Variants in ACLY observed in about 807,000 individuals in gnomAD.
The protein encoded by ACLY is ATP citrate lyase.
In ACLY, 41 loss-of-function variants were observed where a neutral mutation model predicts 133.0. The observed-to-expected ratio is 0.31, with a 90% CI of 0.24 to 0.40. The LOEUF is 0.40. ACLY is among the 10% of genes least tolerant of loss of function. ACLY has a pLI of 1.00. For synonymous variants in ACLY, 495 were observed against 549.3 expected, an observed-to-expected ratio of 0.90 and a Z score of 1.38; for missense variants, 1,046 against 1,453.8, an observed-to-expected ratio of 0.72 and a Z score of 4.56.
intron 9 of ACLY, 27 bp from the exon 10 acceptor site, chr17:41,904,817 A>G: frequency 1.2e-6 from 2 of 1,602,126 alleles, no homozygotes; most frequent in Non-Finnish European, 1.7e-6. Context: ...AGAGAATCAA[A>G]AACAGTTACA....
Position 41,893,179 on chromosome 17 carries a change from T to C in ACLY, c.1460-5A>G. On this transcript the variant is annotated splice_region_variant and splice_polypyrimidine_tract_variant and intron_variant, in intron 14 of 28. Transcript: ENST00000352035. ...TGAAGAGGGTGGTGCTCTTTCCTGG[T>C]GGGCAAAGACACAGAGAGTGCACCC... 6 of 1,611,452 alleles carry C rather than the reference T, an allele frequency of 3.7e-6. No individual in the cohort carries two copies. The highest frequency in any genetic ancestry group is 5.1e-6 in the Non-Finnish European group (6 of 1,178,452).
In ACLY at chr17:41,867,219, C is replaced by T. The variant is rs1294971127; in HGVS notation, c.*591G>A. On this transcript the variant is annotated 3_prime_UTR_variant, in exon 29 of 29. Coordinates refer to ENST00000352035, the MANE Select transcript of ACLY (RefSeq NM_001096.3). ...GCTAAGGATGCAATGGCCCCATCCC[C>T]CTGACATAAACAGACTCTGGTCTGC... 2.0e-5 allele frequency: 3 copies of T among 152,634 alleles called. No homozygotes were observed. Among genetic ancestry groups the T allele is most frequent in the African/African-American group, 7.2e-5 (3 of 41,442 alleles). 9.5% of individuals were successfully genotyped at this position (152,634 alleles called of 1,614,324 possible). A position where few individuals can be genotyped will look rare whatever the true frequency, so the allele number is the denominator to read the frequency against.
At chr17:41,897,929 A>G in intron 12 of ACLY, 90 bp from the exon 13 acceptor site, 1 of 1,149,392 alleles carries the variant, frequency 8.7e-7, no homozygotes. Context: ...GAAAACTCGT[A>G]ATAAAAATTA....
At chr17:41,883,747 G>A (rs2048980808) in intron 19 of ACLY, among the ~76,000 whole-genome samples, 1 of 151,718 alleles carries the variant, frequency 6.6e-6, no homozygotes, top group South Asian at 2.1e-4. Context: ...ACCATGCCTG[G>A]CTAATTTTTA....
chr17:41,876,177 G>A (rs2048746590), intron 22 of ACLY, among the ~76,000 whole-genome samples: 2 of 151,698 alleles, frequency 1.3e-5, no homozygotes, highest in South Asian at 4.2e-4. Context: ...CCTCCGCCCG[G>A]CAGCCACCCC....
In ACLY at chr17:41,918,951, C is replaced by G; in HGVS notation, c.-95G>C. 1 of 1,289,184 alleles carries G rather than the reference C, an allele frequency of 7.8e-7. No individual in the cohort carries two copies. Among genetic ancestry groups the G allele is most frequent in the Non-Finnish European group, 1.0e-6 (1 of 988,628 alleles). 79.9% of individuals were successfully genotyped at this position (1,289,184 alleles called of 1,614,324 possible). On this transcript the variant is annotated 5_prime_UTR_variant, in exon 1 of 29. Transcript: ENST00000352035. ...CCCCGCAAAATCCGGAGCACCCCAG[C>G]AGCCGGTAGCTTCCCGGGATCCGGC...
In ACLY at chr17:41,901,783, C is replaced by A; in HGVS notation, c.1096G>T (p.Gly366Cys). The A allele has an allele frequency of 6.3e-7, 1 of 1,594,202 alleles. No homozygotes were observed. The highest frequency in any genetic ancestry group is 8.6e-7 in the Non-Finnish European group (1 of 1,168,286). ...GIVRAIRDYQ[G>C]PLKEHEVTIF... ...GTGACTTCGTGCTCCTTCAGGGGGC[C>A]CTGGTAATCTCGAATTGCTCTCACG... Residue 366 changes from glycine to cysteine, a missense_variant, in exon 11 of 29, where the codon GGC becomes TGC. Coordinates refer to ENST00000352035, the MANE Select transcript of ACLY (RefSeq NM_001096.3).
At chr17:41,888,687 G>A (rs1194282060) in intron 16 of ACLY, among the ~76,000 whole-genome samples, 2 of 152,018 alleles carry the variant, frequency 1.3e-5, no homozygotes, top group Non-Finnish European at 2.9e-5. Context: ...AGAGTTCAAG[G>A]CCAGCCTGGG....
At position 41,924,299 on chromosome 17, in the gene ACLY, C is replaced by T. The variant is rs554263783; in HGVS notation, c.-28+6059G>A. ...AGCTGAGACTACAGGCACGTGCCACCACACCCGGCTGATTTTTTTTTTTAT... is the reference window on the plus strand; with the variant it reads ...AGCTGAGACTACAGGCACGTGCCACTACACCCGGCTGATTTTTTTTTTTAT... On this transcript the variant is annotated intron_variant, in intron 1 of 3. Coordinates refer to the ACLY transcript ENST00000592970. Among the ~76,000 whole-genome samples the T allele has an allele frequency of 2.6e-5, 4 of 151,922 alleles. No individual in the cohort carries two copies. The East Asian group carries it at 7.7e-4, about 29-fold the overall frequency.
rs1051055363 is a variant in ACLY at position 41,873,682 on chromosome 17, A to G, written c.2642+129T>C. On this transcript the variant is annotated intron_variant, in intron 23 of 28. Coordinates refer to ENST00000352035, the MANE Select transcript of ACLY (RefSeq NM_001096.3). ...TATGTGTCCTTCCTCTGGCCGCTCA[A>G]TTGACCTGTGGCCCCAAAGATTGAT... 36 of 1,146,902 alleles carry G rather than the reference A, an allele frequency of 3.1e-5. No individual in the cohort carries two copies. The African/African-American group carries it at 4.3e-4, about 14-fold the overall frequency. 71.0% of individuals were successfully genotyped at this position (1,146,902 alleles called of 1,614,324 possible).
intron 12 of ACLY, 88 bp from the exon 13 acceptor site, chr17:41,897,927 GTAA>G (rs1218424892): frequency 8.3e-7 from 1 of 1,200,646 alleles, no homozygotes; most frequent in African/African-American, 1.5e-5. Flanking sequence ...AAGAAAACTC[GTAA>G]TAAAAATTAT....
At position 41,878,133 on chromosome 17, in the gene ACLY, TG is replaced by T; in HGVS notation, c.2456del (p.Pro819GlnfsTer15). 2 of 1,590,126 alleles carry T rather than the reference TG, an allele frequency of 1.3e-6. No individual in the cohort carries two copies. The highest frequency in any genetic ancestry group is 1.7e-6 in the Non-Finnish European group (2 of 1,168,266). ...VIVPAQEVPP[P>X]TVPMDYSWAR... ...CCCAGGAGTAGTCCATGGGCACGGTTGGGGGCGGCACCTCCTGGGCAGGTAC... is the reference window on the plus strand; with the variant it reads ...CCCAGGAGTAGTCCATGGGCACGGTTGGGGCGGCACCTCCTGGGCAGGTAC... On this transcript the variant is annotated frameshift_variant, in exon 22 of 29. Transcript: ENST00000352035. LOFTEE classifies it high-confidence loss of function.
intron 3 of ACLY, 122 bp from the exon 4 acceptor site, chr17:41,910,406 A>G: frequency 1.3e-6 from 1 of 796,596 alleles, no homozygotes; most frequent in East Asian, 2.7e-5. Flanking sequence ...GCAAAGAGAG[A>G]TTTTTCCAGA....
At chr17:41,879,069 AT>A in intron 20 of ACLY, 145 bp from the exon 21 acceptor site, 1 of 1,028,872 alleles carries the variant, frequency 9.7e-7, no homozygotes, top group Non-Finnish European at 1.4e-6. Context: ...GATGATTTCC[AT>A]TTTACAGACA....
chr17:41,901,848 G>A (rs782427545), intron 10 of ACLY, 35 bp from the exon 11 acceptor site: 14 of 1,471,200 alleles, frequency 9.5e-6, no homozygotes, highest in Non-Finnish European at 1.3e-5. Flanking sequence ...CTAAAAACAA[G>A]GCAGCCACAA....
At chr17:41,917,559 A>C (rs1451953343) in intron 1 of ACLY, among the ~76,000 whole-genome samples, 1 of 152,168 alleles carries the variant, frequency 6.6e-6, no homozygotes, top group Admixed American at 6.5e-5. Flanking sequence ...AGGGGAAGGG[A>C]ATCACTGGGG....
At chr17:41,876,740 T>C (rs2048769575) in intron 22 of ACLY, among the ~76,000 whole-genome samples, 2 of 152,150 alleles carry the variant, frequency 1.3e-5, no homozygotes, top group East Asian at 3.9e-4. Flanking sequence ...TCATCACCAC[T>C]CCCTAATCTC....
chr17:41,912,325 T>C, intron 3 of ACLY, 95 bp downstream of exon 3: 2 of 1,499,334 alleles, frequency 1.3e-6, no homozygotes, highest in Non-Finnish European at 1.8e-6. Context: ...ACAATGAGAC[T>C]GGCTGTGGGG....
At position 41,909,011 on chromosome 17, in the gene ACLY, G is replaced by C. The variant is rs782291763; in HGVS notation, c.594C>G (p.Thr198=). Residue 198 remains threonine (T), a synonymous_variant, in exon 6 of 29, where the codon ACC becomes ACG. Coordinates refer to ENST00000352035, the MANE Select transcript of ACLY (RefSeq NM_001096.3). ...TACCAAGGGGATTGATCTCGAGGTAGGTGAAGTACAAGTCCTCGTAGAAAT... is the reference window on the plus strand; with the variant it reads ...TACCAAGGGGATTGATCTCGAGGTACGTGAAGTACAAGTCCTCGTAGAAAT... ...LFNFYEDLYF[T]YLEINPLVVT... is the part of the protein sequence containing the mutation. The C allele has an allele frequency of 6.8e-6, 11 of 1,613,344 alleles. No individual in the cohort carries two copies. In the African/African-American group the frequency reaches 1.3e-4, roughly 20 times the overall value.
Sources: allele counts gnomAD v4.1 joint callset (sites outside exome capture counted in the v4.1 genomes callset), GRCh38; gene constraint gnomAD v4.1.1; transcripts MANE v1.5; gene names NCBI Gene and HGNC (gene_info 2026-07-23, HGNC 2026-07-21).